The following GNB1L variants were observed in gnomAD, a reference collection of about 807,000 sequenced individuals.
GNB1L encodes G protein subunit beta 1 like.
In GNB1L, 20 loss-of-function variants were observed where a neutral mutation model predicts 29.1. The observed-to-expected ratio is 0.69, with a 90% CI of 0.48 to 1.00. The LOEUF (loss-of-function observed/expected upper bound fraction) is 1.00, where lower values mean the gene tolerates loss of function less well. Among genes scored for constraint, GNB1L ranks in the 50% least tolerant of loss-of-function variants. GNB1L has a pLI of 0.00. For synonymous variants in GNB1L, 193 were observed against 206.5 expected, an observed-to-expected ratio of 0.93 and a Z score of 0.56; for missense variants, 421 against 464.9, an observed-to-expected ratio of 0.91 and a Z score of 0.87.
rs149483689 is a variant in GNB1L at position 19,818,862 on chromosome 22, G to C, written c.254+1736C>G. On this transcript the variant is annotated intron_variant, in intron 4 of 7. Coordinates refer to ENST00000329517, the MANE Select transcript of GNB1L (RefSeq NM_053004.3). ...TCACTCTGATCAAGGACAATAGCCT[G>C]CTCCAGCATCCAGGCAGCCCAAAGG... Among the ~76,000 whole-genome samples the C allele has an allele frequency of 4.2e-3, 643 of 152,288 alleles. 1 individual carries two copies. The highest frequency in any genetic ancestry group is 0.015 in the African/African-American group (614 of 41,554).
At chr22:19,801,528 G>T (rs79479779) in intron 7 of GNB1L, among the ~76,000 whole-genome samples, 1 of 152,318 alleles carries the variant, frequency 6.6e-6, no homozygotes, top group African/African-American at 2.4e-5. Context: ...TTCAGCAACC[G>T]CCAGGTGGCC....
intron 2 of GNB1L, among the ~76,000 whole-genome samples, chr22:19,834,795 AAAAAG>A (rs774697491): frequency 1.3e-5 from 2 of 152,186 alleles, no homozygotes; most frequent in Non-Finnish European, 2.9e-5. Flanking sequence ...TAGAAGAAAA[AAAAAG>A]AAGAGAAGAA....
At chr22:19,832,770 G>C (rs1447046504) in intron 2 of GNB1L, among the ~76,000 whole-genome samples, 3 of 152,148 alleles carry the variant, frequency 2.0e-5, no homozygotes, top group African/African-American at 7.2e-5. Flanking sequence ...ACAGAGTGGG[G>C]AGAGCTAAAA....
intron 2 of GNB1L, chr22:19,847,601 C>T: frequency 2.0e-6 from 2 of 981,994 alleles, no homozygotes; most frequent in Non-Finnish European, 2.4e-6. Context: ...GCTCTAAACC[C>T]CCATGTAGTG....
intron 2 of GNB1L, among the ~76,000 whole-genome samples, chr22:19,827,747 C>T (rs1011972284): frequency 1.3e-5 from 2 of 152,138 alleles, no homozygotes; most frequent in African/African-American, 4.8e-5. Flanking sequence ...AGAAGGAGCG[C>T]ACACGGAAAC....
At chr22:19,848,917 C>T (rs1938028631) in intron 2 of GNB1L, 1 of 985,092 alleles carries the variant, frequency 1.0e-6, no homozygotes, top group African/African-American at 1.7e-5. Context: ...GGTGACTAGG[C>T]TGTCCATCCT....
In GNB1L at chr22:19,788,472, C is replaced by A; in HGVS notation, c.*237G>T. 1.6e-6 allele frequency: 1 copy of A among 625,534 alleles called. No homozygotes were observed. Among genetic ancestry groups the A allele is most frequent in the South Asian group, 1.9e-5 (1 of 53,954 alleles). The allele number at this position is 625,534 out of a possible 1,614,324, so 38.7% of individuals were successfully genotyped here. On this transcript the variant is annotated 3_prime_UTR_variant, in exon 8 of 8. Coordinates refer to ENST00000329517, the MANE Select transcript of GNB1L (RefSeq NM_053004.3). ...AGCTGGCAACACAGCAGGCCCAAGCCAACGTCTCCTGCAGGCCTCGGACGG... is the reference window on the plus strand; with the variant it reads ...AGCTGGCAACACAGCAGGCCCAAGCAAACGTCTCCTGCAGGCCTCGGACGG...
chr22:19,785,625 A>G lies in GNB1L; in HGVS notation c.*3084T>C, dbSNP rs1937186032. Reference sequence around the variant, plus strand: ...AGGGGCGTGATGGCAGCGACCAGCCATGCTGCCAGGAGTCGCCTCTCAGGT... The same window carrying G: ...AGGGGCGTGATGGCAGCGACCAGCCGTGCTGCCAGGAGTCGCCTCTCAGGT... On this transcript the variant is annotated 3_prime_UTR_variant, in exon 8 of 8. Coordinates refer to ENST00000329517, the MANE Select transcript of GNB1L (RefSeq NM_053004.3). This position sits in a 1 kb window ranked among gnomAD's most constrained non-coding sequence, Gnocchi z 4.1. 6.6e-6 allele frequency: 1 copy of G among 152,248 alleles called. No individual in the cohort carries two copies. The highest frequency in any genetic ancestry group is 1.5e-5 in the Non-Finnish European group (1 of 68,058). The allele number at this position is 152,248 out of a possible 1,614,324, so 9.4% of individuals were successfully genotyped here.
At chr22:19,811,775 C>T (rs1036308416) in intron 5 of GNB1L, among the ~76,000 whole-genome samples, 14 of 152,138 alleles carry the variant, frequency 9.2e-5, no homozygotes, top group Non-Finnish European at 1.5e-4. Flanking sequence ...CCATCCCAGC[C>T]CTGGTTGTGT....
At chr22:19,805,989 C>G (rs543071248) in intron 6 of GNB1L, among the ~76,000 whole-genome samples, 1 of 152,282 alleles carries the variant, frequency 6.6e-6, no homozygotes, top group South Asian at 2.1e-4. Flanking sequence ...TGAGCCAGTG[C>G]TGGCCTGAAG....
intron 4 of GNB1L, among the ~76,000 whole-genome samples, chr22:19,814,099 G>GC: frequency 6.6e-6 from 1 of 152,226 alleles, no homozygotes; most frequent in Admixed American, 6.5e-5. Context: ...CCCAAAGAAA[G>GC]AAGTAAATCT....
intron 2 of GNB1L, chr22:19,852,363 C>T (rs937001742): frequency 1.5e-6 from 2 of 1,294,624 alleles, no homozygotes; most frequent in Non-Finnish European, 2.1e-6. Context: ...GATGGCTGAA[C>T]AGGGCGTGGC....
At chr22:19,806,804 C>G (rs753680816) in intron 5 of GNB1L, 47 bp from the exon 6 acceptor site, 1 of 1,287,508 alleles carries the variant, frequency 7.8e-7, no homozygotes, top group Admixed American at 1.7e-5. Flanking sequence ...CAAGTCGAGT[C>G]TGCGCTATAC....
chr22:19,847,516 A>G, intron 2 of GNB1L: 2 of 985,434 alleles, frequency 2.0e-6, no homozygotes, highest in Non-Finnish European at 2.4e-6. Flanking sequence ...AACTCTGGTC[A>G]CAGCTCAAAA....
chr22:19,789,058 GC>G (rs1481671201), intron 7 of GNB1L, 98 bp from the exon 8 acceptor site: 1 of 1,320,124 alleles, frequency 7.6e-7, no homozygotes, highest in East Asian at 2.3e-5. Context: ...AGAGACGCAG[GC>G]CCACAGGCCC....
intron 2 of GNB1L, chr22:19,852,497 A>G: frequency 5.5e-6 from 3 of 548,422 alleles, no homozygotes; most frequent in Non-Finnish European, 9.8e-6. Context: ...CTGTCCAAAG[A>G]CAAGGTGGGG....
At chr22:19,824,643 A>AT (rs1937605220) in intron 2 of GNB1L, among the ~76,000 whole-genome samples, 1 of 152,222 alleles carries the variant, frequency 6.6e-6, no homozygotes, top group Non-Finnish European at 1.5e-5. Flanking sequence ...GCAGCTCGGC[A>AT]GGCCCCAGGG....
intron 7 of GNB1L, among the ~76,000 whole-genome samples, chr22:19,799,061 C>T (rs1937338986): frequency 2.0e-5 from 3 of 152,258 alleles, no homozygotes; most frequent in South Asian, 2.1e-4. Flanking sequence ...TGGCAGACAG[C>T]GCAGCAGCCA....
chr22:19,853,161 G>A (rs1389464975), intron 2 of GNB1L, among the ~76,000 whole-genome samples: 1 of 151,946 alleles, frequency 6.6e-6, no homozygotes, highest in Non-Finnish European at 1.5e-5. Flanking sequence ...TGCAGGCAAT[G>A]CCACCCCCAC....
Sources: allele counts gnomAD v4.1 joint callset (sites outside exome capture counted in the v4.1 genomes callset), GRCh38; gene constraint gnomAD v4.1.1; non-coding constraint Gnocchi (gnomAD v3.1); transcripts MANE v1.5; gene names NCBI Gene and HGNC (gene_info 2026-07-23, HGNC 2026-07-21).